Variants in FSTL5 observed in about 807,000 individuals in gnomAD.
The protein encoded by FSTL5 is follistatin-related protein 5.
In FSTL5, 62 loss-of-function variants were observed where a neutral mutation model predicts 89.1. The ratio of observed to expected loss-of-function variants is 0.70; its 90% CI spans 0.57 to 0.86. The LOEUF (loss-of-function observed/expected upper bound fraction) is 0.86, where lower values mean the gene tolerates loss of function less well. FSTL5 is among the 40% of genes least tolerant of loss of function. The pLI is 0.00. For missense variants in FSTL5, 1,057 were observed against 1,001.6 expected, an observed-to-expected ratio of 1.06 and a Z score of -0.75; for synonymous variants, 383 against 346.2, an observed-to-expected ratio of 1.11 and a Z score of -1.18.
chr4:162,076,689 G>A (rs1448674550), intron 2 of FSTL5, among the ~76,000 whole-genome samples: 1 of 151,714 alleles, frequency 6.6e-6, no homozygotes, highest in African/African-American at 2.4e-5. Flanking sequence ...TGAGGGTGGG[G>A]CAATGGCTGC....
At chr4:161,885,026 T>A (rs1732762353) in intron 4 of FSTL5, among the ~76,000 whole-genome samples, 1 of 152,060 alleles carries the variant, frequency 6.6e-6, no homozygotes, top group African/African-American at 2.4e-5. Context: ...GGGAGACATT[T>A]CTTGGTGGAC....
intron 15 of FSTL5, among the ~76,000 whole-genome samples, chr4:161,395,225 A>C (rs1052780235): frequency 6.6e-6 from 1 of 152,164 alleles, no homozygotes; most frequent in African/African-American, 2.4e-5. Flanking sequence ...AAGATGATAT[A>C]ATAGAATATA....
At chr4:162,064,740 T>C (rs1578998183) in intron 2 of FSTL5, among the ~76,000 whole-genome samples, 2 of 152,030 alleles carry the variant, frequency 1.3e-5, no homozygotes, top group East Asian at 3.9e-4. Flanking sequence ...ACACCATCCA[T>C]GCCATAATAG....
At chr4:162,139,347 G>A (rs13109373) in intron 1 of FSTL5, among the ~76,000 whole-genome samples, 23,196 of 151,846 alleles carry the variant, frequency 0.15, 1,789 homozygotes, top group Middle Eastern at 0.29. Context: ...TTAATTTCAA[G>A]GACAATTGGA....
At chr4:161,726,417 GGGGTTTCACCATATT>G (rs2126757424) in intron 6 of FSTL5, among the ~76,000 whole-genome samples, 1 of 151,730 alleles carries the variant, frequency 6.6e-6, no homozygotes, top group Non-Finnish European at 1.5e-5. Flanking sequence ...TAGTAGAGAT[GGGGTTTCACCATATT>G]GGTCAGGCTG....
chr4:161,600,088 T>C (rs1734171509), intron 7 of FSTL5, among the ~76,000 whole-genome samples: 1 of 151,376 alleles, frequency 6.6e-6, no homozygotes, highest in Non-Finnish European at 1.5e-5. Flanking sequence ...CTACATTTCA[T>C]GCTCTGAAAT....
intron 3 of FSTL5, among the ~76,000 whole-genome samples, chr4:162,019,554 G>T (rs1390930007): frequency 6.6e-6 from 1 of 151,732 alleles, no homozygotes; most frequent in Non-Finnish European, 1.5e-5. Flanking sequence ...ATTTATGGTG[G>T]ATTGTATTAA....
At chr4:161,805,730 G>A (rs1226972395) in intron 4 of FSTL5, among the ~76,000 whole-genome samples, 1 of 152,046 alleles carries the variant, frequency 6.6e-6, no homozygotes, top group East Asian at 1.9e-4. Flanking sequence ...ATAAAATATG[G>A]AACCTTTAAG....
intron 2 of FSTL5, among the ~76,000 whole-genome samples, chr4:162,048,676 T>G (rs1470844429): frequency 1.3e-5 from 2 of 151,986 alleles, no homozygotes; most frequent in East Asian, 3.9e-4. Flanking sequence ...ATTCCAGAGC[T>G]TTTGTTGATT....
intron 6 of FSTL5, among the ~76,000 whole-genome samples, chr4:161,721,271 C>A (rs1470614492): frequency 2.7e-5 from 3 of 109,216 alleles, no homozygotes; most frequent in African/African-American, 1.0e-4. Flanking sequence ...GGCGACAGAG[C>A]GAGACTCCGT....
At position 161,587,445 on chromosome 4, in the gene FSTL5, C is replaced by A; in HGVS notation, c.1015+10G>T. Reference sequence around the variant, plus strand: ...TTTGAATAGTTAGGGTAACAAAAATCACTTCTTACCATTCACTTGGAAGAT... The same window carrying A: ...TTTGAATAGTTAGGGTAACAAAAATAACTTCTTACCATTCACTTGGAAGAT... On this transcript the variant is annotated intron_variant, in intron 8 of 15. Transcript: ENST00000306100. The A allele has an allele frequency of 6.8e-6, 11 of 1,612,368 alleles. No homozygotes were observed. Among genetic ancestry groups the A allele is most frequent in the East Asian group, 2.2e-5 (1 of 44,702 alleles).
At chr4:161,902,557 A>G (rs2110798773) in intron 4 of FSTL5, among the ~76,000 whole-genome samples, 1 of 152,210 alleles carries the variant, frequency 6.6e-6, no homozygotes, top group Non-Finnish European at 1.5e-5. Context: ...TCTTTTTAAA[A>G]ATAATTTCCA....
At chr4:161,912,962 C>A (rs962801944) in intron 4 of FSTL5, among the ~76,000 whole-genome samples, 2 of 152,232 alleles carry the variant, frequency 1.3e-5, no homozygotes, top group Admixed American at 6.5e-5. Flanking sequence ...TGGCACTTTG[C>A]CCCTGCCCCA....
intron 15 of FSTL5, among the ~76,000 whole-genome samples, chr4:161,414,468 ATCT>A (rs1731706203): frequency 6.6e-6 from 1 of 152,158 alleles, no homozygotes; most frequent in Admixed American, 6.5e-5. Flanking sequence ...GCCATTAGAG[ATCT>A]TCTGAGTCTA....
intron 6 of FSTL5, among the ~76,000 whole-genome samples, chr4:161,671,260 C>T (rs371278451): frequency 1.3e-5 from 2 of 152,286 alleles, no homozygotes; most frequent in East Asian, 1.9e-4. Flanking sequence ...TTCTTTACAT[C>T]AGCAAATGTT....
At chr4:161,695,803 G>A (rs1298359258) in intron 6 of FSTL5, among the ~76,000 whole-genome samples, 8 of 151,788 alleles carry the variant, frequency 5.3e-5, no homozygotes, top group Admixed American at 4.6e-4. Context: ...CCCACTTTTC[G>A]ATGGGATTTT....
At chr4:161,870,389 A>G (rs931114454) in intron 4 of FSTL5, among the ~76,000 whole-genome samples, 10 of 151,964 alleles carry the variant, frequency 6.6e-5, no homozygotes, top group Non-Finnish European at 1.5e-4. Context: ...GAGCGAGAGG[A>G]GAGACAGTAA....
At position 161,992,864 on chromosome 4, in the gene FSTL5, ATATATATAT is replaced by A. The variant is rs1560957369; in HGVS notation, c.160+40752_160+40760del. 6.4e-3 allele frequency among the ~76,000 whole-genome samples: 419 copies of A among 65,526 alleles called. 9 individuals carry two copies. Among genetic ancestry groups the A allele is most frequent in the African/African-American group, 0.022 (335 of 15,480 alleles). 43.0% of individuals were successfully genotyped at this position (65,526 alleles called of 152,430 possible). The stretch of plus-strand genomic sequence containing the variant: ...CTCCATCTCAAAAAAAAAAAAAAAT[ATATATATAT>A]ATATATATATATATATATATATATG... On this transcript the variant is annotated intron_variant, in intron 3 of 15. Coordinates refer to ENST00000306100, the MANE Select transcript of FSTL5 (RefSeq NM_020116.5).
chr4:162,050,956 A>C (rs1738359400), intron 2 of FSTL5, among the ~76,000 whole-genome samples: 1 of 151,538 alleles, frequency 6.6e-6, no homozygotes, highest in Non-Finnish European at 1.5e-5. Flanking sequence ...GAGAAATAAA[A>C]CCTAATGTAA....
Sources: allele counts gnomAD v4.1 joint callset (sites outside exome capture counted in the v4.1 genomes callset), GRCh38; gene constraint gnomAD v4.1.1; transcripts MANE v1.5; gene names NCBI Gene and HGNC (gene_info 2026-07-23, HGNC 2026-07-21).